AKNAD1: variants seen among roughly 807,000 people sequenced by gnomAD.
The protein encoded by AKNAD1 is protein AKNAD1.
In AKNAD1, 67 loss-of-function variants were observed where a neutral mutation model predicts 90.8. The ratio of observed to expected loss-of-function variants is 0.74; its 90% CI spans 0.61 to 0.90. AKNAD1 has a LOEUF of 0.90. Among genes scored for constraint, AKNAD1 ranks in the 40% least tolerant of loss-of-function variants. The pLI is 0.00. For synonymous variants in AKNAD1, 327 were observed against 341.4 expected (o/e 0.96, Z 0.46); for missense variants, 957 against 975.4 (o/e 0.98, Z 0.25).
intron 15 of AKNAD1, 44 bp from the exon 16 acceptor site, chr1:108,816,346 G>T: frequency 1.3e-6 from 2 of 1,570,698 alleles, no homozygotes; most frequent in Non-Finnish European, 1.7e-6. Flanking sequence ...TAAACTAACT[G>T]CTGTTTCTGT....
chr1:108,833,634 TTTTC>T (rs1664279682), intron 9 of AKNAD1, among the ~76,000 whole-genome samples: 1 of 152,182 alleles, frequency 6.6e-6, no homozygotes, highest in African/African-American at 2.4e-5. Context: ...TTCTTTATAC[TTTTC>T]TTTATTTTCT....
At position 108,816,444 on chromosome 1, in the gene AKNAD1, G is replaced by T. The variant is rs186811073; in HGVS notation, c.2380-142C>A. On this transcript the variant is annotated intron_variant, in intron 15 of 15. Transcript: ENST00000370001. ...TCTTGGTCTATTTCTGTTTTTGAGG[G>T]TTGGTTTCCTAGGAGACCAGTCTGA... is the stretch of plus-strand genomic sequence containing the variant. The T allele has an allele frequency of 1.5e-4, 134 of 895,392 alleles. 1 individual carries two copies. In the Middle Eastern group the frequency reaches 1.7e-3, roughly 12 times the overall value. 55.5% of individuals were successfully genotyped at this position (895,392 alleles called of 1,614,324 possible).
rs376983798 is a variant in AKNAD1 at position 108,848,914 on chromosome 1, T to C, written c.1180A>G (p.Lys394Glu). 9.4e-6 allele frequency: 15 copies of C among 1,600,760 alleles called. No homozygotes were observed. The highest frequency in any genetic ancestry group is 1.3e-5 in the Non-Finnish European group (15 of 1,176,076). Reference protein sequence around the residue: ...LKEQTDQLKTKVQEFSKRIKQ... With the variant: ...LKEQTDQLKTEVQEFSKRIKQ... The stretch of plus-strand genomic sequence containing the variant: ...ATAATAAGCTTTAAAAGTATTACTT[T>C]AGTCTTCAGTTGATCAGTCTGTTCT... Residue 394 changes from lysine (K) to glutamate (E), a missense_variant and splice_region_variant, in exon 4 of 16, where the codon AAA becomes GAA. Lys to Glu is a moderately conservative substitution (Grantham distance 56). Coordinates refer to ENST00000370001, the MANE Select transcript of AKNAD1 (RefSeq NM_152763.5).
At chr1:108,823,270 G>C (rs1346810419) in intron 13 of AKNAD1, 100 bp downstream of exon 13, 1 of 972,454 alleles carries the variant, frequency 1.0e-6, no homozygotes, top group Non-Finnish European at 1.7e-6. Flanking sequence ...GAGAGGCCAG[G>C]GCTTCCCAGA....
At chr1:108,834,623 G>A in intron 8 of AKNAD1, 95 bp from the exon 9 acceptor site, 4 of 1,278,380 alleles carry the variant, frequency 3.1e-6, no homozygotes, top group Non-Finnish European at 4.3e-6. Flanking sequence ...CATCACCCCT[G>A]GGATGGTGGG....
intron 1 of AKNAD1, among the ~76,000 whole-genome samples, chr1:108,853,500 C>T (rs981116958): frequency 2.6e-5 from 4 of 151,994 alleles, no homozygotes; most frequent in Non-Finnish European, 4.4e-5. Flanking sequence ...AGCCATGTGG[C>T]GATGGAAGCT....
intron 9 of AKNAD1, chr1:108,830,853 G>GAT: frequency 1.7e-6 from 1 of 602,672 alleles, no homozygotes; most frequent in East Asian, 2.8e-5. Flanking sequence ...CCTTAGTTCT[G>GAT]ATGTGTCACT....
At chr1:108,820,738 A>G in intron 13 of AKNAD1, 112 bp from the exon 14 acceptor site, 2 of 618,648 alleles carry the variant, frequency 3.2e-6, no homozygotes, top group South Asian at 4.5e-5. Flanking sequence ...ATAAAATTTT[A>G]ATAAATCAGA....
chr1:108,854,792 G>A (rs1664984381), intron 1 of AKNAD1, among the ~76,000 whole-genome samples: 1 of 152,184 alleles, frequency 6.6e-6, no homozygotes. Context: ...AAAGTGAAAG[G>A]CACAGTGGGA....
At position 108,839,482 on chromosome 1, in the gene AKNAD1, AG is replaced by A. The variant is rs1664474798; in HGVS notation, c.1380-1777del. Among the ~76,000 whole-genome samples, 33 of 150,554 alleles carry A rather than the reference AG, an allele frequency of 2.2e-4. 1 individual carries two copies. The highest frequency in any genetic ancestry group is 2.2e-3 in the Admixed American group (33 of 15,098). Reference sequence around the variant, plus strand: ...AGACTCCGTCTCAATAAAAAAAAAAAGAAAAGGGAAAATTGCCCAACTCATT... The same window carrying A: ...AGACTCCGTCTCAATAAAAAAAAAAAAAAAGGGAAAATTGCCCAACTCATT... On this transcript the variant is annotated intron_variant, in intron 6 of 15. Transcript: ENST00000370001.
At position 108,816,758 on chromosome 1, in the gene AKNAD1, T is replaced by C. The variant is rs1447458254; in HGVS notation, c.2379+290A>G. The C allele has an allele frequency of 1.1e-5, 4 of 366,460 alleles. No homozygotes were observed. The Admixed American group carries it at 1.7e-4, about 15-fold the overall frequency. The allele number at this position is 366,460 out of a possible 1,614,324, so 22.7% of individuals were successfully genotyped here. ...TTGGCAACTCTGATCACAGTGTCAC[T>C]GGAACAGACCCAGTGCCTTCAACCC... On this transcript the variant is annotated intron_variant, in intron 15 of 15. Coordinates refer to ENST00000370001, the MANE Select transcript of AKNAD1 (RefSeq NM_152763.5).
chr1:108,853,396 G>T lies in AKNAD1; in HGVS notation c.-103-629C>A, dbSNP rs539890229. Among the ~76,000 whole-genome samples the T allele has an allele frequency of 1.5e-3, 225 of 151,740 alleles. 2 individuals are homozygous for T. Among genetic ancestry groups the T allele is most frequent in the Non-Finnish European group, 2.2e-4 (15 of 67,906 alleles). On this transcript the variant is annotated intron_variant, in intron 1 of 15. Coordinates refer to ENST00000370001, the MANE Select transcript of AKNAD1 (RefSeq NM_152763.5). ...TCCACCCGCCTTGGCCTCCCAAAGTGCTGGGATTACAGGCGTGAGCCACCG... is the reference window on the plus strand; with the variant it reads ...TCCACCCGCCTTGGCCTCCCAAAGTTCTGGGATTACAGGCGTGAGCCACCG...
At chr1:108,832,331 C>T (rs879471461) in intron 9 of AKNAD1, among the ~76,000 whole-genome samples, 2 of 151,484 alleles carry the variant, frequency 1.3e-5, no homozygotes, top group Admixed American at 1.3e-4. Flanking sequence ...GTGATTCTCC[C>T]ACCTCAGCCT....
In AKNAD1 at chr1:108,830,586, C is replaced by T. The variant is rs140157073; in HGVS notation, c.1811G>A (p.Cys604Tyr). The change falls in exon 10 of 16, where the codon TGT (cysteine) becomes TAT (tyrosine). Residue 604 changes from cysteine to tyrosine, a missense_variant. Coordinates refer to ENST00000370001, the MANE Select transcript of AKNAD1 (RefSeq NM_152763.5). ...TTCAAGGAGCCTGCGACAGAAGGCA[C>T]AGCTCGGACTGGGTGCCGTCATCTC... ...CAEMTAPSPSCAFCRRLLEWK... is the reference protein window; with the variant it reads ...CAEMTAPSPSYAFCRRLLEWK... The T allele has an allele frequency of 6.2e-7, 1 of 1,614,116 alleles. No individual in the cohort carries two copies. Among genetic ancestry groups the T allele is most frequent in the Non-Finnish European group, 8.5e-7 (1 of 1,180,036 alleles).
At chr1:108,838,696 A>G (rs1664451580) in intron 6 of AKNAD1, among the ~76,000 whole-genome samples, 1 of 152,176 alleles carries the variant, frequency 6.6e-6, no homozygotes, top group African/African-American at 2.4e-5. Flanking sequence ...TGGAAGTCTG[A>G]AAAACAAATA....
At chr1:108,857,530 C>A (rs536324198), upstream of AKNAD1, 1 of 152,766 alleles carries the variant, frequency 6.5e-6, no homozygotes, top group African/African-American at 2.4e-5. Context: ...ATTCGCTAAG[C>A]CCATTTTGTG....
rs752861786 is a variant in AKNAD1, at chr1:108,816,303, C to CT, written c.2380-2dup. Reference sequence around the variant, plus strand: ...CATGATCCAAAGCCGAGTTTAAAATCTACAGAGGAAAAGTCCACACATTTT... The same window carrying CT: ...CATGATCCAAAGCCGAGTTTAAAATCTTACAGAGGAAAAGTCCACACATTTT... On this transcript the variant is annotated splice_acceptor_variant, in intron 15 of 15. Coordinates refer to ENST00000370001, the MANE Select transcript of AKNAD1 (RefSeq NM_152763.5). LOFTEE classifies it high-confidence loss of function. 1 of 1,608,478 alleles carries CT rather than the reference C, an allele frequency of 6.2e-7. No individual in the cohort carries two copies. Among genetic ancestry groups the CT allele is most frequent in the Non-Finnish European group, 8.5e-7 (1 of 1,178,230 alleles).
intron 5 of AKNAD1, among the ~76,000 whole-genome samples, chr1:108,846,248 G>T (rs115438830): frequency 6.6e-6 from 1 of 152,138 alleles, no homozygotes; most frequent in South Asian, 2.1e-4. Flanking sequence ...CAGACCACAG[G>T]CTGATAATGT....
At chr1:108,850,405 C>T (rs543914010) in intron 2 of AKNAD1, among the ~76,000 whole-genome samples, 13 of 152,238 alleles carry the variant, frequency 8.5e-5, no homozygotes, top group South Asian at 2.1e-4. Flanking sequence ...CTGCTAACCA[C>T]GGGGCACTGA....
Sources: gnomAD v4.1 joint callset for allele counts (sites outside exome capture counted in the v4.1 genomes callset) on GRCh38, gnomAD v4.1.1 for gene constraint, MANE v1.5 for transcripts, NCBI Gene and HGNC (gene_info 2026-07-23, HGNC 2026-07-21) for gene names.